The following MELTF variants were observed in gnomAD, a reference collection of about 807,000 sequenced individuals.
MELTF encodes melanotransferrin, also known as antigen p97 (melanoma associated) identified by monoclonal antibodies 133.2 and 96.5.
Under a neutral mutation model 83.7 loss-of-function variants are expected in MELTF, and 67 were observed. The ratio of observed to expected loss-of-function variants is 0.80; its 90% confidence interval spans 0.66 to 0.98. The LOEUF is 0.98. Among genes scored for constraint, MELTF ranks in the 50% least tolerant of loss-of-function variants. The pLI is 0.00. For synonymous variants in MELTF, 462 were observed against 447.6 expected, an observed-to-expected ratio of 1.03 and a Z score of -0.41; for missense variants, 1,002 against 1,035.6, an observed-to-expected ratio of 0.97 and a Z score of 0.44.
In MELTF at chr3:197,003,438, GGGCGCC is replaced by G. The variant is rs1718836435; in HGVS notation, c.2145_2150del (p.Ala716_Pro717del). The stretch of plus-strand genomic sequence containing the variant: ...GCAGCAGCGGGAGCAGGGGCGCCCC[GGGCGCC>G]GGGGCCGCTGGGGACGAACGCGGCG... On this transcript the variant is annotated inframe_deletion, in exon 16 of 16. Transcript: ENST00000296350. This position sits in a 1 kb window ranked among gnomAD's most constrained non-coding sequence, Gnocchi z 6.2. 1 of 1,110,718 alleles carries G rather than the reference GGGCGCC, an allele frequency of 9.0e-7. No homozygotes were observed. 68.8% of individuals were successfully genotyped at this position (1,110,718 alleles called of 1,614,324 possible). A position where few individuals can be genotyped will look rare whatever the true frequency, so the allele number is the denominator to read the frequency against.
Position 197,011,061 on chromosome 3 carries a change from T to G in MELTF, c.1234-267A>C, listed in dbSNP as rs1185946025. On this transcript the variant is annotated intron_variant, in intron 9 of 15. Coordinates refer to ENST00000296350, the MANE Select transcript of MELTF (RefSeq NM_005929.6). The surrounding 1 kb of genome is among the most constrained non-coding windows in gnomAD (Gnocchi z 4.2). ...CTGCGCGTGGCCACCCAGGGTCCCCTGTGTCCCTGCTCTGAGCAAAGCAAG... is the reference window on the plus strand; with the variant it reads ...CTGCGCGTGGCCACCCAGGGTCCCCGGTGTCCCTGCTCTGAGCAAAGCAAG... Among the ~76,000 whole-genome samples, 1 of 152,142 alleles carries G rather than the reference T, an allele frequency of 6.6e-6. No homozygotes were observed. Among genetic ancestry groups the G allele is most frequent in the African/African-American group, 2.4e-5 (1 of 41,446 alleles).
rs1316123769 is a variant in MELTF at position 197,008,329 on chromosome 3, A to G, written c.1750+328T>C. On this transcript the variant is annotated intron_variant, in intron 13 of 15. Transcript: ENST00000296350. The surrounding 1 kb of genome is among the most constrained non-coding windows in gnomAD (Gnocchi z 5.4). ...CTGTGGAGAGGCTCATGCCACTCCC[A>G]CCTCACACCTTGGCACTACATCAAT... Among the ~76,000 whole-genome samples the G allele has an allele frequency of 6.6e-6, 1 of 152,050 alleles. No homozygotes were observed.
intron 9 of MELTF, 58 bp downstream of exon 9, chr3:197,015,307 G>T (rs1719321450): frequency 1.3e-6 from 2 of 1,505,596 alleles, no homozygotes; most frequent in Non-Finnish European, 1.8e-6. Context: ...AGTAAGAACT[G>T]CCCAGGCACT....
intron 6 of MELTF, chr3:197,019,566 C>A: frequency 6.3e-7 from 1 of 1,576,874 alleles, no homozygotes; most frequent in South Asian, 1.1e-5. Flanking sequence ...GGTGAGACCC[C>A]CATCTCAAAA....
chr3:197,016,062 G>T (rs1307117334), intron 8 of MELTF, 127 bp downstream of exon 8: 12 of 792,474 alleles, frequency 1.5e-5, no homozygotes, highest in Non-Finnish European at 2.3e-5. Context: ...CAGAGGAATG[G>T]AAATGACAGG....
chr3:197,018,560 C>T (rs929394257), intron 6 of MELTF, among the ~76,000 whole-genome samples: 2 of 152,132 alleles, frequency 1.3e-5, no homozygotes, highest in Admixed American at 1.3e-4. Context: ...TATTCTTCTG[C>T]CTCAGCCTCC....
chr3:197,009,921 A>G, intron 10 of MELTF, 109 bp from the exon 11 acceptor site: 2 of 1,059,896 alleles, frequency 1.9e-6, no homozygotes, highest in Non-Finnish European at 2.8e-6. Flanking sequence ...TGCCTGAGCT[A>G]TGCAGGCCAA....
intron 3 of MELTF, 115 bp downstream of exon 3, chr3:197,026,545 A>G: frequency 1.1e-6 from 1 of 889,626 alleles, no homozygotes; most frequent in Non-Finnish European, 1.8e-6. Context: ...CTGGGACTCC[A>G]GGACTGCTCT....
In MELTF at chr3:197,003,272, C is replaced by T. The variant is rs1246423059; in HGVS notation, c.*100G>A. 9.7e-7 allele frequency: 1 copy of T among 1,032,898 alleles called. No homozygotes were observed. 64.0% of individuals were successfully genotyped at this position (1,032,898 alleles called of 1,614,324 possible). A position where few individuals can be genotyped will look rare whatever the true frequency, so the allele number is the denominator to read the frequency against. ...GGGGAGGCGCCTGCTCCCGCCCACG[C>T]CGGGCCCGGCCTTCGCGAGCTTCCT... On this transcript the variant is annotated 3_prime_UTR_variant, in exon 16 of 16. Coordinates refer to ENST00000296350, the MANE Select transcript of MELTF (RefSeq NM_005929.6). This position sits in a 1 kb window ranked among gnomAD's most constrained non-coding sequence, Gnocchi z 6.2.
chr3:197,017,480 T>G (rs1284293791), intron 6 of MELTF, among the ~76,000 whole-genome samples, 190 bp from the exon 7 acceptor site: 1 of 152,226 alleles, frequency 6.6e-6, no homozygotes, highest in African/African-American at 2.4e-5. Context: ...CTCGTTACTC[T>G]CATTTTCTAG....
intron 2 of MELTF, among the ~76,000 whole-genome samples, 163 bp downstream of exon 2, chr3:197,027,593 C>A (rs995468944): frequency 6.6e-6 from 1 of 152,240 alleles, no homozygotes; most frequent in Non-Finnish European, 1.5e-5. Flanking sequence ...GGCCTGGGCC[C>A]GGCGGGAGGC....
intron 8 of MELTF, 71 bp from the exon 9 acceptor site, chr3:197,015,587 G>A: frequency 6.7e-7 from 1 of 1,483,838 alleles, no homozygotes; most frequent in Non-Finnish European, 9.1e-7. Context: ...TCGGACCCAA[G>A]GGAAATTCTG....
chr3:197,003,187 G>A lies in MELTF; in HGVS notation c.*185C>T. ...GCGGTTGGCGGGAAGGGCCGCGCGG[G>A]CCCGGGGGCGGCGCCTCAGGTAGCA... On this transcript the variant is annotated 3_prime_UTR_variant, in exon 16 of 16. Coordinates refer to ENST00000296350, the MANE Select transcript of MELTF (RefSeq NM_005929.6). This position sits in a 1 kb window ranked among gnomAD's most constrained non-coding sequence, Gnocchi z 6.2. 3.5e-6 allele frequency: 2 copies of A among 574,124 alleles called. No homozygotes were observed. Among genetic ancestry groups the A allele is most frequent in the Non-Finnish European group, 4.4e-6 (2 of 450,454 alleles). 35.6% of individuals were successfully genotyped at this position (574,124 alleles called of 1,614,324 possible).
At chr3:197,027,164 C>G (rs1719889997) in intron 2 of MELTF, 1 of 220,310 alleles carries the variant, frequency 4.5e-6, no homozygotes, top group Non-Finnish European at 9.2e-6. Context: ...TCACATGGAG[C>G]CTGACCCACA....
intron 4 of MELTF, among the ~76,000 whole-genome samples, chr3:197,023,630 C>T (rs908694957): frequency 1.3e-5 from 2 of 152,198 alleles, no homozygotes; most frequent in Non-Finnish European, 2.9e-5. Flanking sequence ...TTATCCTGTG[C>T]CGCGCGAGGA....
intron 9 of MELTF, among the ~76,000 whole-genome samples, chr3:197,012,783 G>A (rs550605651): frequency 6.6e-6 from 1 of 152,368 alleles, no homozygotes; most frequent in East Asian, 1.9e-4. Flanking sequence ...TAGAGATCAG[G>A]CCAGTGTTTC....
At chr3:197,004,681 G>A (rs1245109249) in intron 14 of MELTF, 1 of 157,196 alleles carries the variant, frequency 6.4e-6, no homozygotes, top group African/African-American at 2.4e-5. Flanking sequence ...CTACTAAAAA[G>A]ACCAGAAGTA....
rs145670084 is a variant in MELTF at position 197,015,406 on chromosome 3, C to G, written c.1192G>C (p.Val398Leu). ...CAGTGTTGGGGGGACTTGGCTGACA[C>G]GCACTGGATCTCTGGCTTGAGCCGC... ...RQRLKPEIQC[V>L]SAKSPQHCME... The change falls in exon 9 of 16, where the codon GTG becomes CTG. Residue 398 changes from valine to leucine, a missense_variant. Val to Leu is a conservative substitution (Grantham distance 32, BLOSUM62 1). Transcript: ENST00000296350. The G allele has an allele frequency of 2.1e-4, 333 of 1,585,806 alleles. No individual in the cohort carries two copies. Among genetic ancestry groups the G allele is most frequent in the Admixed American group, 9.9e-4 (55 of 55,714 alleles).
In MELTF at chr3:197,021,253, G is replaced by C. The variant is rs956610310; in HGVS notation, c.712+151C>G. 2.7e-5 allele frequency: 18 copies of C among 658,346 alleles called. No homozygotes were observed. In the South Asian group the frequency reaches 3.4e-4, roughly 13 times the overall value. The allele number at this position is 658,346 out of a possible 1,614,324, so 40.8% of individuals were successfully genotyped here. ...TTGCAGCTGGGAGTGCTGAGGCTCG[G>C]AGACTGTGGGACTTGTCCAAGGTCA... On this transcript the variant is annotated intron_variant, in intron 6 of 15. Transcript: ENST00000296350.
Sources: allele counts gnomAD v4.1 joint callset (sites outside exome capture counted in the v4.1 genomes callset), GRCh38; gene constraint gnomAD v4.1.1; non-coding constraint Gnocchi (gnomAD v3.1); transcripts MANE v1.5; gene names NCBI Gene and HGNC (gene_info 2026-07-23, HGNC 2026-07-21).